LRRTM4: variants seen among roughly 807,000 people sequenced by gnomAD.
LRRTM4 encodes leucine rich repeat transmembrane neuronal 4.
In LRRTM4, 25 loss-of-function variants were observed where a neutral mutation model predicts 47.6. The ratio of observed to expected loss-of-function variants is 0.53; its 90% confidence interval spans 0.38 to 0.73. The LOEUF (loss-of-function observed/expected upper bound fraction) is 0.73, where lower values mean the gene tolerates loss of function less well. Among genes scored for constraint, LRRTM4 ranks in the 30% least tolerant of loss-of-function variants. LRRTM4 has a pLI of 0.00. For synonymous variants in LRRTM4, 311 were observed against 269.5 expected, an observed-to-expected ratio of 1.15 and a Z score of -1.51; for missense variants, 638 against 713.4, an observed-to-expected ratio of 0.89 and a Z score of 1.20.
At chr2:76,915,390 C>T (rs192385442) in intron 3 of LRRTM4, among the ~76,000 whole-genome samples, 1 of 152,252 alleles carries the variant, frequency 6.6e-6, no homozygotes, top group African/African-American at 2.4e-5. Context: ...GTGACACTGC[C>T]TCTGTCACAT....
At chr2:77,521,839 A>T in intron 1 of LRRTM4, 21 bp from the exon 2 acceptor site, 1 of 82,546 alleles carries the variant, frequency 1.2e-5, no homozygotes, top group African/African-American at 7.2e-5. Flanking sequence ...AGGACAGGCA[A>T]AAAAAAAAAA....
intron 3 of LRRTM4, among the ~76,000 whole-genome samples, chr2:77,174,972 C>G (rs1447698213): frequency 6.6e-6 from 1 of 152,054 alleles, no homozygotes; most frequent in Non-Finnish European, 1.5e-5. Context: ...ACTTCTTAAA[C>G]ATTTATGTGG....
At chr2:76,914,575 A>ATAAGTATATT (rs1674181762) in intron 3 of LRRTM4, among the ~76,000 whole-genome samples, 1 of 152,176 alleles carries the variant, frequency 6.6e-6, no homozygotes, top group African/African-American at 2.4e-5. Flanking sequence ...TATTGTGTCA[A>ATAAGTATATT]CTTAAAAAGC....
chr2:76,774,542 A>G (rs1673874513), intron 3 of LRRTM4, among the ~76,000 whole-genome samples: 2 of 152,200 alleles, frequency 1.3e-5, no homozygotes, highest in Non-Finnish European at 2.9e-5. Context: ...TATATTTAGT[A>G]TTCATTAAGT....
chr2:76,850,782 A>G (rs974183418), intron 3 of LRRTM4, among the ~76,000 whole-genome samples: 1 of 152,192 alleles, frequency 6.6e-6, no homozygotes, highest in Non-Finnish European at 1.5e-5. Flanking sequence ...TTCTCTATAA[A>G]TATCCTGCTA....
At chr2:77,057,869 C>T (rs1028064929) in intron 3 of LRRTM4, among the ~76,000 whole-genome samples, 1 of 151,956 alleles carries the variant, frequency 6.6e-6, no homozygotes, top group Admixed American at 6.6e-5. Flanking sequence ...TCATCATAAC[C>T]CAGAGATTCA....
rs576197930 is a variant in LRRTM4, at chr2:77,178,009, C to T, written c.1551+340309G>A. ...ATGCTTATTTGTGCTGGTATTATTACTATGTCAACAATGACCTCCTTCATA... is the reference window on the plus strand; with the variant it reads ...ATGCTTATTTGTGCTGGTATTATTATTATGTCAACAATGACCTCCTTCATA... On this transcript the variant is annotated intron_variant, in intron 3 of 3. Transcript: ENST00000409884. Among the ~76,000 whole-genome samples, 177 of 152,268 alleles carry T rather than the reference C, an allele frequency of 1.2e-3. 1 individual carries two copies. Among genetic ancestry groups the T allele is most frequent in the African/African-American group, 3.9e-3 (164 of 41,566 alleles).
At chr2:77,391,553 A>C (rs145923027) in intron 3 of LRRTM4, among the ~76,000 whole-genome samples, 2 of 152,146 alleles carry the variant, frequency 1.3e-5, no homozygotes, top group African/African-American at 4.8e-5. Context: ...TATTTAAACA[A>C]ATGATTGGAA....
At chr2:77,163,909 C>G (rs1390130922) in intron 3 of LRRTM4, among the ~76,000 whole-genome samples, 1 of 152,044 alleles carries the variant, frequency 6.6e-6, no homozygotes, top group Admixed American at 6.6e-5. Flanking sequence ...AATTAATGAG[C>G]AAAATAACCA....
intron 3 of LRRTM4, among the ~76,000 whole-genome samples, chr2:77,423,398 C>T (rs762519545): frequency 3.3e-5 from 5 of 152,014 alleles, no homozygotes; most frequent in Non-Finnish European, 7.4e-5. Flanking sequence ...GAAGACAAAT[C>T]ACTCTCTGTA....
intron 3 of LRRTM4, among the ~76,000 whole-genome samples, chr2:77,139,808 C>T (rs571865730): frequency 2.6e-5 from 4 of 152,254 alleles, no homozygotes; most frequent in East Asian, 3.9e-4. Context: ...GCAAAAATCA[C>T]AAGCATTCAT....
At chr2:77,493,547 A>T (rs949334104) in intron 3 of LRRTM4, among the ~76,000 whole-genome samples, 1 of 152,040 alleles carries the variant, frequency 6.6e-6, no homozygotes, top group Admixed American at 6.6e-5. Flanking sequence ...TCACTCTGCA[A>T]ATATAGTTGA....
chr2:76,916,403 A>AAAAAAAAG lies in LRRTM4; in HGVS notation c.1552-167488_1552-167487insCTTTTTTT, dbSNP rs1674251119. Among the ~76,000 whole-genome samples, 10 of 138,570 alleles carry AAAAAAAAG rather than the reference A, an allele frequency of 7.2e-5. No homozygotes were observed. The East Asian group carries it at 8.5e-4, about 12-fold the overall frequency. 90.9% of individuals were successfully genotyped at this position (138,570 alleles called of 152,430 possible). ...GTGTCTCAAAAAAAAAAAAAAAAAAAAAAAGAAAAGAAAAAAAATATGTAT... is the reference window on the plus strand; with the variant it reads ...GTGTCTCAAAAAAAAAAAAAAAAAAAAAAAAAAGAAAAGAAAAGAAAAAAAATATGTAT... On this transcript the variant is annotated intron_variant, in intron 3 of 3. Coordinates refer to ENST00000409884, the MANE Select transcript of LRRTM4 (RefSeq NM_001134745.3).
rs370258257 is a variant in LRRTM4, at chr2:77,023,625, G to A, written c.1552-274709C>T. On this transcript the variant is annotated intron_variant, in intron 3 of 3. Transcript: ENST00000409884. ...CAAAGTTCCACAAATCTCTTGGTCA[G>A]GGGCACAATGCTGCCAGTTTCTTTG... is the stretch of plus-strand genomic sequence containing the variant. Among the ~76,000 whole-genome samples, 36 of 152,302 alleles carry A rather than the reference G, an allele frequency of 2.4e-4. No individual in the cohort carries two copies. In the East Asian group the frequency reaches 6.0e-3, roughly 25 times the overall value.
chr2:76,856,296 G>A (rs982074148), intron 3 of LRRTM4, among the ~76,000 whole-genome samples: 3 of 151,160 alleles, frequency 2.0e-5, no homozygotes, highest in South Asian at 4.2e-4. Context: ...GAGAGAGAGA[G>A]ATAAAAAAAA....
chr2:77,180,179 T>C (rs972550004), intron 3 of LRRTM4, among the ~76,000 whole-genome samples: 2 of 152,174 alleles, frequency 1.3e-5, no homozygotes, highest in Non-Finnish European at 2.9e-5. Flanking sequence ...TGGACTACTA[T>C]AGTCTCTTTC....
intron 3 of LRRTM4, among the ~76,000 whole-genome samples, chr2:77,049,514 T>C (rs981902423): frequency 6.6e-6 from 1 of 151,990 alleles, no homozygotes; most frequent in Non-Finnish European, 1.5e-5. Flanking sequence ...TATCTCATTC[T>C]GATTTTGATT....
intron 3 of LRRTM4, among the ~76,000 whole-genome samples, chr2:77,500,084 G>A (rs1343817753): frequency 2.0e-5 from 3 of 151,582 alleles, no homozygotes; most frequent in Admixed American, 6.6e-5. Context: ...TATAGCTGCC[G>A]GGCCACTTTA....
chr2:77,310,282 T>A (rs1216086739), intron 3 of LRRTM4, among the ~76,000 whole-genome samples: 1 of 152,126 alleles, frequency 6.6e-6, no homozygotes, highest in East Asian at 1.9e-4. Flanking sequence ...TATCTGTTTT[T>A]AAAATTTATA....
Sources: allele counts gnomAD v4.1 joint callset (sites outside exome capture counted in the v4.1 genomes callset), GRCh38; gene constraint gnomAD v4.1.1; transcripts MANE v1.5; gene names NCBI Gene and HGNC (gene_info 2026-07-23, HGNC 2026-07-21).